The following PTPRT variants were observed in gnomAD, a reference collection of about 807,000 sequenced individuals.
PTPRT encodes receptor-type tyrosine-protein phosphatase T.
Under a neutral mutation model 176.8 loss-of-function variants are expected in PTPRT, and 56 were observed. The ratio of observed to expected loss-of-function variants is 0.32; its 90% CI spans 0.26 to 0.40. PTPRT has a LOEUF of 0.40. Among genes scored for constraint, PTPRT ranks in the 10% least tolerant of loss-of-function variants. PTPRT has a pLI of 1.00. For missense variants in PTPRT, 1,540 were observed against 1,908.2 expected, an observed-to-expected ratio of 0.81 and a Z score of 3.60; for synonymous variants, 783 against 739.0, an observed-to-expected ratio of 1.06 and a Z score of -0.96.
chr20:43,093,815 A>G (rs1344832850), intron 1 of PTPRT, among the ~76,000 whole-genome samples: 1 of 152,068 alleles, frequency 6.6e-6, no homozygotes, highest in African/African-American at 2.4e-5. Flanking sequence ...TATTCCTCTC[A>G]GGTCCCTGAA....
chr20:42,832,778 A>G (rs1363432062), intron 2 of PTPRT, among the ~76,000 whole-genome samples: 1 of 149,836 alleles, frequency 6.7e-6, no homozygotes, highest in Non-Finnish European at 1.5e-5. Context: ...TATGTAATCC[A>G]AAAGCCAACT....
Position 42,790,171 on chromosome 20 carries a change from C to A in PTPRT, c.486+1024G>T, listed in dbSNP as rs141006955. Among the ~76,000 whole-genome samples the A allele has an allele frequency of 9.6e-4, 145 of 151,526 alleles. 1 individual carries two copies. The highest frequency in any genetic ancestry group is 3.3e-3 in the African/African-American group (135 of 41,230). The stretch of plus-strand genomic sequence containing the variant: ...GGTTTTCTTAAGTCATGGGATTGCA[C>A]ACTTAAAATAGGTGGATTCTGTGAT... On this transcript the variant is annotated intron_variant, in intron 3 of 30. Transcript: ENST00000373187.
intron 14 of PTPRT, among the ~76,000 whole-genome samples, chr20:42,244,300 T>A (rs1251297312): frequency 2.6e-5 from 4 of 152,206 alleles, no homozygotes; most frequent in African/African-American, 9.7e-5. Context: ...CAGAGATGCA[T>A]ATAAAATATC....
chr20:42,942,766 G>A (rs1338423078), intron 1 of PTPRT, among the ~76,000 whole-genome samples: 1 of 152,158 alleles, frequency 6.6e-6, no homozygotes, highest in African/African-American at 2.4e-5. Flanking sequence ...CCTCGAAATA[G>A]GGATATTGAT....
chr20:42,994,796 T>A (rs1214881562), intron 1 of PTPRT, among the ~76,000 whole-genome samples: 1 of 152,228 alleles, frequency 6.6e-6, no homozygotes, highest in Non-Finnish European at 1.5e-5. Context: ...ACATGCACTT[T>A]CTCATCTGCT....
intron 8 of PTPRT, among the ~76,000 whole-genome samples, chr20:42,450,577 T>C (rs564170607): frequency 2.4e-4 from 37 of 152,318 alleles, no homozygotes; most frequent in African/African-American, 8.7e-4. Context: ...TCATTGTAAT[T>C]TCATTTTAAG....
intron 9 of PTPRT, among the ~76,000 whole-genome samples, chr20:42,436,808 T>A (rs2059265881): frequency 6.6e-6 from 1 of 152,226 alleles, no homozygotes; most frequent in South Asian, 2.1e-4. Flanking sequence ...GTGAAAGTTT[T>A]GTAGTATCTT....
chr20:42,496,191 G>A (rs574834193), intron 7 of PTPRT, among the ~76,000 whole-genome samples: 1 of 152,074 alleles, frequency 6.6e-6, no homozygotes, highest in Non-Finnish European at 1.5e-5. Flanking sequence ...AAGAGGGGTC[G>A]GCTTTGCTGT....
chr20:42,660,010 C>T (rs1272510483), intron 7 of PTPRT, among the ~76,000 whole-genome samples: 1 of 152,062 alleles, frequency 6.6e-6, no homozygotes, highest in Non-Finnish European at 1.5e-5. Context: ...TTACTTTACT[C>T]CTCAGAGCCT....
At chr20:42,824,884 C>A (rs2077965736) in intron 2 of PTPRT, among the ~76,000 whole-genome samples, 1 of 151,714 alleles carries the variant, frequency 6.6e-6, no homozygotes, top group Admixed American at 6.6e-5. Context: ...GAATAATATC[C>A]TTTCTCCATA....
At chr20:42,648,820 G>GTTTTTTTTTTTTTTTTTTTTTT (rs68036487) in intron 7 of PTPRT, among the ~76,000 whole-genome samples, 1 of 111,832 alleles carries the variant, frequency 8.9e-6, no homozygotes, top group African/African-American at 3.7e-5. Context: ...TGGTGTCGTT[G>GTTTTTTTTTTTTTTTTTTTTTT]TTTTTTTTTT....
intron 6 of PTPRT, among the ~76,000 whole-genome samples, chr20:42,742,413 C>T (rs2076625141): frequency 6.6e-6 from 1 of 152,176 alleles, no homozygotes. Flanking sequence ...TTTCTCATTC[C>T]CATCACAGCC....
chr20:42,458,859 G>T lies in PTPRT; in HGVS notation c.1451-10530C>A, dbSNP rs181948908. On this transcript the variant is annotated intron_variant, in intron 8 of 30. Transcript: ENST00000373187. ...TATTGTGTCCTTATTTGTCTACCTG[G>T]CACTGTTCTTCTAAGTGCTTGGGAA... Among the ~76,000 whole-genome samples the T allele has an allele frequency of 7.5e-4, 114 of 152,026 alleles. 1 individual carries two copies. The highest frequency in any genetic ancestry group is 2.4e-4 in the Non-Finnish European group (16 of 67,976).
intron 6 of PTPRT, among the ~76,000 whole-genome samples, chr20:42,737,566 AG>A (rs1297287601): frequency 6.6e-6 from 1 of 151,618 alleles, no homozygotes; most frequent in Non-Finnish European, 1.5e-5. Flanking sequence ...CGGGAGACGG[AG>A]GTTGCAGTGA....
At chr20:42,953,058 TC>T (rs1427406599) in intron 1 of PTPRT, among the ~76,000 whole-genome samples, 3 of 152,232 alleles carry the variant, frequency 2.0e-5, no homozygotes, top group African/African-American at 7.2e-5. Context: ...CCAGCCTTTC[TC>T]TTTTTAACAA....
At chr20:42,486,258 C>A (rs1251158147) in intron 7 of PTPRT, among the ~76,000 whole-genome samples, 1 of 152,196 alleles carries the variant, frequency 6.6e-6, no homozygotes, top group African/African-American at 2.4e-5. Context: ...ATATCAGAAT[C>A]TCAAAAATGA....
At chr20:42,201,730 C>CAAAAAAAAA in intron 15 of PTPRT, among the ~76,000 whole-genome samples, 1 of 74,060 alleles carries the variant, frequency 1.4e-5, no homozygotes, top group Non-Finnish European at 2.5e-5. Context: ...GAACCAGAGG[C>CAAAAAAAAA]AAAAAAAAAA....
chr20:42,791,612 A>G, intron 2 of PTPRT, 146 bp from the exon 3 acceptor site: 1 of 808,690 alleles, frequency 1.2e-6, no homozygotes, highest in African/African-American at 1.7e-5. Flanking sequence ...ACCCTGCAAA[A>G]GCCACATCTC....
At chr20:43,122,779 T>C (rs1452680741) in intron 1 of PTPRT, among the ~76,000 whole-genome samples, 2 of 152,240 alleles carry the variant, frequency 1.3e-5, no homozygotes, top group African/African-American at 2.4e-5. Context: ...CTGTACAGCC[T>C]GTATAACTGT....
Sources: allele counts gnomAD v4.1 joint callset (sites outside exome capture counted in the v4.1 genomes callset), GRCh38; gene constraint gnomAD v4.1.1; transcripts MANE v1.5; gene names NCBI Gene and HGNC (gene_info 2026-07-23, HGNC 2026-07-21).